Variants in PCSK5 observed in about 807,000 individuals in gnomAD.
PCSK5 encodes the protein proprotein convertase subtilisin/kexin type 5.
In PCSK5, 129 loss-of-function variants were observed where a neutral mutation model predicts 233.2. The ratio of observed to expected loss-of-function variants is 0.55; its 90% CI spans 0.48 to 0.64. The LOEUF (loss-of-function observed/expected upper bound fraction) is 0.64. Ranked by LOEUF, PCSK5 falls within the 30% of genes least tolerant of loss-of-function variation. The probability of loss-of-function intolerance (pLI) is 0.00; values close to 1 mark genes in which losing one functional copy is unlikely to be tolerated. For missense variants in PCSK5, 2,076 were observed against 2,430.1 expected (o/e 0.85, Z 3.06); for synonymous variants, 825 against 879.2 (o/e 0.94, Z 1.09).
chr9:76,194,534 G>C, intron 20 of PCSK5: 1 of 167,514 alleles, frequency 6.0e-6, no homozygotes, highest in Non-Finnish European at 1.3e-5. Context: ...CTACTCCTCT[G>C]TCCCTCTATA....
chr9:76,232,063 C>A (rs1252122201), intron 21 of PCSK5, among the ~76,000 whole-genome samples: 3 of 152,120 alleles, frequency 2.0e-5, no homozygotes, highest in African/African-American at 4.8e-5. Flanking sequence ...ATTCAGGATG[C>A]CTTGTCCCAC....
rs115635342 is a variant in PCSK5, at chr9:76,328,584, G to A, written c.4570+345G>A. 8.5e-3 allele frequency among the ~76,000 whole-genome samples: 1,294 copies of A among 151,692 alleles called. 11 individuals carry two copies. The highest frequency in any genetic ancestry group is 0.029 in the African/African-American group (1,217 of 41,308). ...ACATCATTCCCAATACATATTTTTCGAAGCCATTTGAAGGCATACATCATG... is the reference window on the plus strand; with the variant it reads ...ACATCATTCCCAATACATATTTTTCAAAGCCATTTGAAGGCATACATCATG... On this transcript the variant is annotated intron_variant, in intron 33 of 37. Transcript: ENST00000674117.
chr9:76,149,242 T>C (rs548895841), intron 10 of PCSK5, among the ~76,000 whole-genome samples: 39 of 152,212 alleles, frequency 2.6e-4, no homozygotes, highest in Admixed American at 5.2e-4. Context: ...ACATTCCCAG[T>C]GACAAGGAAT....
intron 2 of PCSK5, among the ~76,000 whole-genome samples, chr9:75,937,274 G>T (rs1268814429): frequency 6.6e-6 from 1 of 151,536 alleles, no homozygotes; most frequent in Non-Finnish European, 1.5e-5. Context: ...CGCTTCCCGG[G>T]TTCAAGTGAT....
intron 14 of PCSK5, among the ~76,000 whole-genome samples, chr9:76,175,984 T>C (rs1003010673): frequency 2.0e-5 from 3 of 151,364 alleles, no homozygotes; most frequent in Non-Finnish European, 4.4e-5. Flanking sequence ...TTCTCACTTA[T>C]CACTGTTAAG....
chr9:76,343,331 ATTTGTGTGTGTGTGTGTGTG>A (rs1412608648), intron 35 of PCSK5, among the ~76,000 whole-genome samples: 311 of 85,686 alleles, frequency 3.6e-3, no homozygotes, highest in African/African-American at 0.012. Flanking sequence ...CACCTGGGTA[ATTTGTGTGTGTGTGTGTGTG>A]TGTGTGTGTG....
chr9:75,926,704 T>C (rs575377925), intron 1 of PCSK5, among the ~76,000 whole-genome samples: 1 of 152,362 alleles, frequency 6.6e-6, no homozygotes, highest in East Asian at 1.9e-4. Context: ...TATGCACGTT[T>C]TTGTGTTAAC....
chr9:76,331,845 C>T (rs1177416494), intron 33 of PCSK5, among the ~76,000 whole-genome samples: 1 of 152,132 alleles, frequency 6.6e-6, no homozygotes, highest in East Asian at 1.9e-4. Flanking sequence ...GAAACAGATT[C>T]CCTCCTAGAG....
intron 5 of PCSK5, among the ~76,000 whole-genome samples, chr9:76,063,756 G>T (rs1487901872): frequency 1.0e-4 from 1 of 9,638 alleles, no homozygotes; most frequent in Non-Finnish European, 1.6e-4. Flanking sequence ...GCAACCATCC[G>T]ATTTCTCAAT....
intron 1 of PCSK5, 78 bp downstream of exon 1, chr9:75,891,451 T>G: frequency 8.7e-7 from 1 of 1,146,440 alleles, no homozygotes; most frequent in South Asian, 1.5e-5. Context: ...TGGAACCCCC[T>G]CCCCCTCTTC....
At chr9:76,347,582 G>A (rs572567720) in intron 35 of PCSK5, among the ~76,000 whole-genome samples, 2 of 152,002 alleles carry the variant, frequency 1.3e-5, no homozygotes, top group Middle Eastern at 3.4e-3. Context: ...ATTTATTGTT[G>A]GTCTTCTAGA....
chr9:75,991,871 T>G (rs1265920452), intron 3 of PCSK5, among the ~76,000 whole-genome samples: 1 of 152,062 alleles, frequency 6.6e-6, no homozygotes, highest in Admixed American at 6.6e-5. Context: ...TTATAAAATG[T>G]TTAGAATGTT....
chr9:76,343,658 C>T (rs1173394066), intron 35 of PCSK5, among the ~76,000 whole-genome samples: 2 of 152,174 alleles, frequency 1.3e-5, no homozygotes, highest in Non-Finnish European at 2.9e-5. Context: ...CACTTTCCCT[C>T]TCTCTGGAAT....
intron 30 of PCSK5, among the ~76,000 whole-genome samples, chr9:76,311,319 C>G (rs1828859596): frequency 6.6e-6 from 1 of 151,452 alleles, no homozygotes; most frequent in Non-Finnish European, 1.5e-5. Flanking sequence ...CCACTGTACT[C>G]CAGCCTGGAT....
intron 20 of PCSK5, among the ~76,000 whole-genome samples, chr9:76,212,248 G>T (rs999238004): frequency 2.0e-5 from 3 of 152,068 alleles, no homozygotes; most frequent in African/African-American, 7.2e-5. Flanking sequence ...CACTCTATCT[G>T]GCAACAATGA....
intron 35 of PCSK5, among the ~76,000 whole-genome samples, chr9:76,344,385 C>T (rs1326602892): frequency 6.6e-6 from 1 of 152,192 alleles, no homozygotes; most frequent in Non-Finnish European, 1.5e-5. Context: ...TCCATAAAAA[C>T]TCTACCATAT....
At chr9:76,066,444 T>G (rs1480890240) in intron 5 of PCSK5, among the ~76,000 whole-genome samples, 1 of 152,198 alleles carries the variant, frequency 6.6e-6, no homozygotes, top group African/African-American at 2.4e-5. Flanking sequence ...GTAATTCTAC[T>G]TCTAGGAATT....
intron 20 of PCSK5, among the ~76,000 whole-genome samples, chr9:76,223,062 C>A (rs561925584): frequency 6.4e-4 from 97 of 152,072 alleles, no homozygotes; most frequent in Non-Finnish European, 1.2e-3. Flanking sequence ...AATTTCATAC[C>A]CCAAGGTTAC....
At position 76,030,453 on chromosome 9, in the gene PCSK5, G is replaced by A. The variant is rs181251872; in HGVS notation, c.632+3416G>A. On this transcript the variant is annotated intron_variant, in intron 5 of 37. Transcript: ENST00000674117. ...CCACAGTCAAAGACACAATTGACAA[G>A]GAAATTTGTTACCTCTGTGACACAC... 1.1e-4 allele frequency among the ~76,000 whole-genome samples: 17 copies of A among 152,196 alleles called. 1 individual carries two copies. The highest frequency in any genetic ancestry group is 3.9e-4 in the African/African-American group (16 of 41,530).
Sources: gnomAD v4.1 joint callset for allele counts (sites outside exome capture counted in the v4.1 genomes callset) on GRCh38, gnomAD v4.1.1 for gene constraint, MANE v1.5 for transcripts, NCBI Gene and HGNC (gene_info 2026-07-23, HGNC 2026-07-21) for gene names.